The following HDX variants were observed in gnomAD, a reference collection of about 807,000 sequenced individuals.
HDX encodes highly divergent homeobox.
Under a neutral mutation model 45.2 loss-of-function variants are expected in HDX, and 19 were observed. That is an observed-to-expected ratio of 0.42 (90% CI 0.29 to 0.62). The LOEUF (loss-of-function observed/expected upper bound fraction) is 0.62. Among genes scored for constraint, HDX ranks in the 20% least tolerant of loss-of-function variants. HDX has a pLI of 0.20. For missense variants in HDX, 532 were observed against 493.9 expected (o/e 1.08, Z -0.73); for synonymous variants, 188 against 172.8 (o/e 1.09, Z -0.69).
intron 5 of HDX, among the ~76,000 whole-genome samples, chrX:84,411,471 T>C (rs962591607): frequency 3.6e-5 from 4 of 112,087 alleles, no homozygotes; most frequent in African/African-American, 3.2e-5. Context: ...TGTATGGTTT[T>C]GAGCATTATT....
intron 2 of HDX, among the ~76,000 whole-genome samples, chrX:84,477,943 G>T (rs1011375908): frequency 1.8e-5 from 2 of 111,317 alleles, no homozygotes; most frequent in Admixed American, 1.9e-4. Flanking sequence ...TTCAGCACAT[G>T]CCCACCCATA....
At chrX:84,382,001 GA>G (rs371415569) in intron 5 of HDX, among the ~76,000 whole-genome samples, 1 of 111,289 alleles carries the variant, frequency 9.0e-6, no homozygotes, top group Non-Finnish European at 1.9e-5. Flanking sequence ...CAACTTTATA[GA>G]AAAAAATCTA....
chrX:84,497,370 G>A (rs2041023964), intron 1 of HDX, among the ~76,000 whole-genome samples: 1 of 111,646 alleles, frequency 9.0e-6, no homozygotes, highest in Non-Finnish European at 1.9e-5. Context: ...GGTACATTAA[G>A]CTAGCCAAAT....
At position 84,369,660 on chromosome X, in the gene HDX, C is replaced by A. The variant is rs772531160; in HGVS notation, c.1306-8048G>T. Among the ~76,000 whole-genome samples the A allele has an allele frequency of 3.6e-5, 4 of 111,941 alleles. No individual in the cohort carries two copies. The East Asian group carries it at 8.5e-4, about 24-fold the overall frequency. On this transcript the variant is annotated intron_variant, in intron 5 of 10. Coordinates refer to ENST00000373177, the MANE Select transcript of HDX (RefSeq NM_001177479.2). Reference sequence around the variant, plus strand: ...TATCCTAATTGGTGTGAGGTGAAATCTCATTGAGTCTTTGATTTGCATTTC... The same window carrying A: ...TATCCTAATTGGTGTGAGGTGAAATATCATTGAGTCTTTGATTTGCATTTC...
At position 84,457,866 on chromosome X, in the gene HDX, C is replaced by T. The variant is rs879178936; in HGVS notation, c.1251+10606G>A. ...ACTCGTGCAAAATGTAACATGCTAACGTTTTGTTTCTTGATCATAAGAAAA... is the reference window on the plus strand; with the variant it reads ...ACTCGTGCAAAATGTAACATGCTAATGTTTTGTTTCTTGATCATAAGAAAA... On this transcript the variant is annotated intron_variant, in intron 4 of 10. Transcript: ENST00000373177. Among the ~76,000 whole-genome samples the T allele has an allele frequency of 3.6e-5, 4 of 111,888 alleles. No homozygotes were observed. The Admixed American group carries it at 3.8e-4, about 11-fold the overall frequency.
intron 5 of HDX, among the ~76,000 whole-genome samples, chrX:84,364,223 T>C (rs761985643): frequency 1.7e-4 from 19 of 111,105 alleles, no homozygotes; most frequent in Non-Finnish European, 1.1e-4. Context: ...AAATGACTAT[T>C]AAAAATCTCT....
intron 3 of HDX, among the ~76,000 whole-genome samples, chrX:84,471,135 T>A (rs2040447289): frequency 9.0e-6 from 1 of 111,396 alleles, no homozygotes; most frequent in East Asian, 2.8e-4. Flanking sequence ...TTGTCCAATT[T>A]TCAATGTTTA....
chrX:84,339,536 G>A (rs181680883), intron 7 of HDX, among the ~76,000 whole-genome samples: 1 of 111,831 alleles, frequency 8.9e-6, no homozygotes, highest in East Asian at 2.8e-4. Flanking sequence ...TAAAATAAAA[G>A]GATGTGAAGT....
chrX:84,393,140 A>AT (rs2038481347), intron 5 of HDX, among the ~76,000 whole-genome samples: 1 of 111,616 alleles, frequency 9.0e-6, no homozygotes, highest in African/African-American at 3.3e-5. Context: ...ATTCAGTATG[A>AT]TGTTACCTGT....
At chrX:84,352,915 C>T (rs924243250) in intron 6 of HDX, among the ~76,000 whole-genome samples, 3 of 110,570 alleles carry the variant, frequency 2.7e-5, no homozygotes, top group African/African-American at 9.8e-5. Context: ...GAGGAAAAGA[C>T]CAGTCTCCCT....
chrX:84,496,480 T>C (rs985662176), intron 1 of HDX, among the ~76,000 whole-genome samples: 5 of 110,198 alleles, frequency 4.5e-5, no homozygotes, highest in African/African-American at 1.7e-4. Context: ...TCCCAGGTGG[T>C]GTTCATGCTA....
chrX:84,436,987 T>C (rs1480466903), intron 5 of HDX, among the ~76,000 whole-genome samples: 2 of 111,145 alleles, frequency 1.8e-5, no homozygotes, highest in African/African-American at 6.5e-5. Context: ...TCCTTTTGGA[T>C]CTAGTAATAA....
rs1309551361 is a variant in HDX, at chrX:84,475,294, A to C, written c.104T>G (p.Leu35Ter). 8.3e-7 allele frequency: 1 copy of C among 1,200,290 alleles called. No individual in the cohort carries two copies. The highest frequency in any genetic ancestry group is 2.2e-5 in the Admixed American group (1 of 44,778). The change falls in exon 3 of 11, where the codon TTA becomes TGA. Residue 35 changes from leucine (L) to a stop codon, truncating the protein, a stop_gained. Coordinates refer to ENST00000373177, the MANE Select transcript of HDX (RefSeq NM_001177479.2). LOFTEE classifies it high-confidence loss of function. Reference protein sequence around the residue: ...NQSKNCFQLILQCAQETKLDF... With the variant: ...NQSKNCFQLI ...CAGCTTAGTCTCCTGTGCACACTGT[A>C]ATATGAGCTGAAAGCAATTTTTACT...
rs768648502 is a variant in HDX, at chrX:84,430,846, C to G, written c.1305+9686G>C. Among the ~76,000 whole-genome samples the G allele has an allele frequency of 4.6e-5, 5 of 108,858 alleles. No homozygotes were observed. In the East Asian group the frequency reaches 1.2e-3, roughly 25 times the overall value. 94.5% of individuals were successfully genotyped at this position (108,858 alleles called of 115,157 possible). On this transcript the variant is annotated intron_variant, in intron 5 of 10. Transcript: ENST00000373177. The stretch of plus-strand genomic sequence containing the variant: ...CTCCCTCTTTCTTTCTTCTCTTTTT[C>G]TCTCTTTTTTTTAAATTTAACAAGT...
chrX:84,472,449 C>A (rs778125788), intron 3 of HDX, among the ~76,000 whole-genome samples: 1 of 111,258 alleles, frequency 9.0e-6, no homozygotes, highest in South Asian at 3.8e-4. Flanking sequence ...AACCCACTTT[C>A]TCTAATCAAC....
Position 84,406,099 on chromosome X carries a change from G to A in HDX, c.1305+34433C>T, listed in dbSNP as rs7060922. Among the ~76,000 whole-genome samples the A allele has an allele frequency of 2.8e-3, 308 of 110,493 alleles. 1 individual carries two copies. Among genetic ancestry groups the A allele is most frequent in the African/African-American group, 9.9e-3 (301 of 30,505 alleles). On this transcript the variant is annotated intron_variant, in intron 5 of 10. Coordinates refer to ENST00000373177, the MANE Select transcript of HDX (RefSeq NM_001177479.2). ...CTCAACAGACCCTTTTAAACGTACT[G>A]TCCAAATAACCCTTGCCTAAGTGAC...
rs1442068679 is a variant in HDX at position 84,344,441 on chromosome X, C to T, written c.1469G>A (p.Arg490Gln). ...CCCCATTAAACGATATTTCCTTCTT[C>T]GATTCCCAATCCAAGTCTTTATAAG... ...CEIVRTWIGN[R>Q]RRKYRLMGIE... is the part of the protein sequence containing the mutation. The change falls in exon 7 of 11, where the codon CGA becomes CAA. Residue 490 changes from arginine (R) to glutamine (Q), a missense_variant. By Grantham distance (43) the Arg-to-Gln change is conservative (BLOSUM62 1). This residue lies in a region of HDX where 5 missense variants were observed against 18.5 expected (regional missense o/e 0.27). Transcript: ENST00000373177. 1.5e-5 allele frequency: 18 copies of T among 1,194,120 alleles called. No homozygotes were observed. Among genetic ancestry groups the T allele is most frequent in the Middle Eastern group, 2.3e-4 (1 of 4,323 alleles).
intron 2 of HDX, among the ~76,000 whole-genome samples, chrX:84,484,372 G>A (rs760025389): frequency 2.4e-4 from 27 of 111,915 alleles, no homozygotes; most frequent in African/African-American, 8.4e-4. Flanking sequence ...AGAAGGGGAA[G>A]CAAACATGTC....
intron 5 of HDX, among the ~76,000 whole-genome samples, chrX:84,408,937 C>A (rs1241825857): frequency 2.7e-5 from 3 of 110,578 alleles, no homozygotes; most frequent in African/African-American, 9.9e-5. Context: ...TTACTGAAGT[C>A]ATTTACCAGA....
Sources: gnomAD v4.1 joint callset for allele counts (sites outside exome capture counted in the v4.1 genomes callset) on GRCh38, gnomAD v4.1.1 for gene constraint, gnomAD v4.1.1 regional missense constraint, MANE v1.5 for transcripts, NCBI Gene and HGNC (gene_info 2026-07-23, HGNC 2026-07-21) for gene names.